Variants in GOLGA4 observed in about 807,000 individuals in gnomAD.
GOLGA4 encodes golgin A4, also known as golgin subfamily A member 4.
A neutral mutation model predicts 265.9 loss-of-function variants in GOLGA4; 169 were observed. That is an observed-to-expected ratio of 0.64 (90% CI 0.56 to 0.72). The LOEUF (loss-of-function observed/expected upper bound fraction) is 0.72. GOLGA4 is among the 30% of genes least tolerant of loss of function. The pLI, the probability that GOLGA4 is intolerant of heterozygous loss-of-function variation, is 0.00. For missense variants in GOLGA4, 2,482 were observed against 2,483.4 expected (o/e 1.00, Z 0.01); for synonymous variants, 923 against 855.8 (o/e 1.08, Z -1.37).
At position 37,327,301 on chromosome 3, in the gene GOLGA4, C is replaced by A; in HGVS notation, c.5415C>A (p.Asn1805Lys). ...TTCAAGAGGAGCTTGAAGAAAAAAA[C>A]AAGAAATATTCCTTGATAGTAGCCC... Reference protein sequence around the residue: ...GHLQEELEEKNKKYSLIVAQH... With the variant: ...GHLQEELEEKKKKYSLIVAQH... The change falls in exon 14 of 24, where the codon AAC (asparagine) becomes AAA (lysine). Residue 1805 changes from asparagine (N) to lysine (K), a missense_variant. Around this residue, in one of 3 missense-constraint regions of GOLGA4, gnomAD observed 942 missense variants for 983.1 expected, o/e 0.96. Transcript: ENST00000361924. 6.2e-7 allele frequency: 1 copy of A among 1,613,532 alleles called. No homozygotes were observed. The highest frequency in any genetic ancestry group is 1.1e-5 in the South Asian group (1 of 91,032).
chr3:37,350,453 G>A (rs2097070287), intron 21 of GOLGA4, among the ~76,000 whole-genome samples: 1 of 152,034 alleles, frequency 6.6e-6, no homozygotes, highest in African/African-American at 2.4e-5. Context: ...TTGGTACTTG[G>A]AGCTTTATGT....
intron 10 of GOLGA4, among the ~76,000 whole-genome samples, chr3:37,307,829 C>A (rs976619568): frequency 6.6e-6 from 1 of 152,096 alleles, no homozygotes; most frequent in Non-Finnish European, 1.5e-5. Context: ...TTCTTTGGTG[C>A]GGGATTATAT....
At position 37,344,079 on chromosome 3, in the gene GOLGA4, G is replaced by T. The variant is rs370414542; in HGVS notation, c.6473-3114G>T. Among the ~76,000 whole-genome samples, 13 of 152,284 alleles carry T rather than the reference G, an allele frequency of 8.5e-5. No homozygotes were observed. The South Asian group carries it at 1.7e-3, about 19-fold the overall frequency. ...GGTACAACTCAAACAAGAAAAGCAG[G>T]ATAAATTCTGTCTGTTTACCCATTT... is the stretch of plus-strand genomic sequence containing the variant. On this transcript the variant is annotated intron_variant, in intron 20 of 23. Transcript: ENST00000361924.
At chr3:37,348,045 C>T (rs770610377) in intron 21 of GOLGA4, among the ~76,000 whole-genome samples, 3 of 151,922 alleles carry the variant, frequency 2.0e-5, no homozygotes, top group Middle Eastern at 3.4e-3. Context: ...GTCTGTGTGC[C>T]GTGGCTGAGA....
At chr3:37,319,343 G>C (rs1221847337) in intron 12 of GOLGA4, 149 bp downstream of exon 12, 2 of 533,482 alleles carry the variant, frequency 3.7e-6, no homozygotes, top group South Asian at 3.1e-5. Context: ...TAGGCAAGCT[G>C]TCAGAGCTTA....
chr3:37,312,532 T>C (rs998159608), intron 10 of GOLGA4, among the ~76,000 whole-genome samples: 2 of 140,000 alleles, frequency 1.4e-5, no homozygotes, highest in African/African-American at 2.7e-5. Flanking sequence ...TCTTTTTTTT[T>C]TTTTTTTGAG....
At chr3:37,335,962 G>C (rs1040919643) in intron 17 of GOLGA4, among the ~76,000 whole-genome samples, 5 of 152,122 alleles carry the variant, frequency 3.3e-5, no homozygotes, top group Admixed American at 3.3e-4. Context: ...GGGGGTAATG[G>C]GAAAGTGGGT....
At chr3:37,330,440 C>T (rs1480802135) in intron 16 of GOLGA4, among the ~76,000 whole-genome samples, 1 of 152,104 alleles carries the variant, frequency 6.6e-6, no homozygotes, top group Non-Finnish European at 1.5e-5. Flanking sequence ...CTTTTGTGAA[C>T]TATTTCTTTG....
chr3:37,266,138 A>G (rs964010685), intron 2 of GOLGA4, among the ~76,000 whole-genome samples: 1 of 151,436 alleles, frequency 6.6e-6, no homozygotes, highest in East Asian at 1.9e-4. Context: ...GTCTGAAACT[A>G]TGTCCTGTCA....
At chr3:37,262,083 A>G (rs2096771191) in intron 2 of GOLGA4, among the ~76,000 whole-genome samples, 1 of 152,254 alleles carries the variant, frequency 6.6e-6, no homozygotes, top group African/African-American at 2.4e-5. Flanking sequence ...TCTGGAAATT[A>G]CTTTAAAACA....
chr3:37,326,060 A>G lies in GOLGA4; in HGVS notation c.4174A>G (p.Lys1392Glu). 3 of 1,613,604 alleles carry G rather than the reference A, an allele frequency of 1.9e-6. No homozygotes were observed. The highest frequency in any genetic ancestry group is 2.5e-6 in the Non-Finnish European group (3 of 1,179,590). The part of the protein sequence containing the change: ...QLQNSISLSE[K>E]EAAISSLRKQ... ...TCAAAATAGCATCAGCCTATCCGAA[A>G]AAGAAGCAGCCATTTCATCACTAAG... The change falls in exon 14 of 24, where the codon AAA becomes GAA. Residue 1392 changes from lysine (K) to glutamate (E), a missense_variant. This residue lies in a region of GOLGA4 where 942 missense variants were observed against 983.1 expected (regional missense o/e 0.96). Coordinates refer to ENST00000361924, the MANE Select transcript of GOLGA4 (RefSeq NM_002078.5).
intron 17 of GOLGA4, among the ~76,000 whole-genome samples, chr3:37,335,848 A>G (rs2097009896): frequency 6.6e-6 from 1 of 151,122 alleles, no homozygotes; most frequent in Non-Finnish European, 1.5e-5. Flanking sequence ...CCTGCTGTGC[A>G]CCTCAGCAGC....
intron 10 of GOLGA4, among the ~76,000 whole-genome samples, chr3:37,309,276 C>A (rs767389398): frequency 1.3e-4 from 19 of 149,504 alleles, no homozygotes; most frequent in Middle Eastern, 3.7e-3. Flanking sequence ...CAATTATAGG[C>A]CGGGCGTGAT....
At chr3:37,314,622 C>T (rs543773276) in intron 10 of GOLGA4, among the ~76,000 whole-genome samples, 5 of 146,138 alleles carry the variant, frequency 3.4e-5, no homozygotes, top group Non-Finnish European at 6.0e-5. Context: ...TCCTGGGTGA[C>T]GGAGCAAGAC....
chr3:37,304,491 ATTGG>A (rs1267490989), intron 10 of GOLGA4, among the ~76,000 whole-genome samples: 1 of 152,248 alleles, frequency 6.6e-6, no homozygotes, highest in Non-Finnish European at 1.5e-5. Context: ...GTTGTAAGAC[ATTGG>A]TTCAACAGGT....
intron 7 of GOLGA4, among the ~76,000 whole-genome samples, chr3:37,296,515 G>C (rs1001680392): frequency 6.6e-6 from 1 of 152,132 alleles, no homozygotes; most frequent in African/African-American, 2.4e-5. Flanking sequence ...AAAGATGCAA[G>C]GGTTTGTTTT....
At chr3:37,348,732 T>A (rs1326568616) in intron 21 of GOLGA4, among the ~76,000 whole-genome samples, 1 of 152,166 alleles carries the variant, frequency 6.6e-6, no homozygotes, top group African/African-American at 2.4e-5. Flanking sequence ...TACTAAATAA[T>A]TTATTTAGCT....
chr3:37,326,808 A>G lies in GOLGA4; in HGVS notation c.4922A>G (p.Lys1641Arg), dbSNP rs141073675. The change falls in exon 14 of 24, where the codon AAG becomes AGG. Residue 1641 changes from lysine to arginine, a missense_variant. By Grantham distance (26) the Lys-to-Arg change is conservative. This residue lies in a region of GOLGA4 where 942 missense variants were observed against 983.1 expected (regional missense o/e 0.96). Transcript: ENST00000361924. Reference sequence around the variant, plus strand: ...AGTGCTGCAAAATTAGCAGAGTTGAAGAGAAAAGCTGAACAAAAAATTGCT... The same window carrying G: ...AGTGCTGCAAAATTAGCAGAGTTGAGGAGAAAAGCTGAACAAAAAATTGCT... ...SESAAKLAEL[K>R]RKAEQKIAAI... 1.2e-6 allele frequency: 2 copies of G among 1,613,856 alleles called. No homozygotes were observed. Among genetic ancestry groups the G allele is most frequent in the Non-Finnish European group, 1.7e-6 (2 of 1,179,844 alleles).
In GOLGA4 at chr3:37,324,536, T is replaced by G. The variant is rs775887516; in HGVS notation, c.2650T>G (p.Leu884Val). 1.9e-6 allele frequency: 3 copies of G among 1,613,808 alleles called. No homozygotes were observed. The South Asian group carries it at 3.3e-5, about 18-fold the overall frequency. Residue 884 changes from leucine (L) to valine (V), a missense_variant, in exon 14 of 24, where the codon TTA becomes GTA. Physicochemically the swap from Leu to Val is conservative, Grantham distance 32. Around this residue, in one of 3 missense-constraint regions of GOLGA4, gnomAD observed 1,536 missense variants for 1,483.7 expected, o/e 1.04. Transcript: ENST00000361924. ...TGAAATGGAGCAAAAAGTAAAATCT[T>G]TAACCCAAGTCTATGAGTCCAAACT... is the stretch of plus-strand genomic sequence containing the variant. ...NSEMEQKVKS[L>V]TQVYESKLED...
Sources: allele counts gnomAD v4.1 joint callset (sites outside exome capture counted in the v4.1 genomes callset), GRCh38; gene constraint gnomAD v4.1.1; regional missense constraint gnomAD v4.1.1; transcripts MANE v1.5; gene names NCBI Gene and HGNC (gene_info 2026-07-23, HGNC 2026-07-21).